Variants in GRSF1 observed in about 807,000 individuals in gnomAD.
GRSF1 encodes G-rich RNA sequence binding factor 1.
GRSF1 carries 50 observed loss-of-function variants against 51.1 expected under a neutral mutation model. The ratio of observed to expected loss-of-function variants is 0.98; its 90% CI spans 0.78 to 1.24. GRSF1 has a LOEUF of 1.24. Among genes scored for constraint, GRSF1 ranks in the 50% most tolerant of loss-of-function variants. The probability of loss-of-function intolerance (pLI) is 0.00; values close to 1 mark genes in which losing one functional copy is unlikely to be tolerated. For missense variants in GRSF1, 700 were observed against 639.7 expected (o/e 1.09, Z -1.02); for synonymous variants, 293 against 253.3 (o/e 1.16, Z -1.49).
chr4:70,827,782 A>G (rs1374707734), intron 6 of GRSF1, 70 bp downstream of exon 6: 20 of 1,199,254 alleles, frequency 1.7e-5, no homozygotes, highest in Admixed American at 2.3e-5. Context: ...CATCTCAAAA[A>G]AAAAAAAATC....
chr4:70,829,994 A>G (rs1179685538), intron 5 of GRSF1, among the ~76,000 whole-genome samples: 7 of 152,258 alleles, frequency 4.6e-5, no homozygotes, highest in Non-Finnish European at 8.8e-5. Flanking sequence ...TTAAAACACA[A>G]ATGAACCCAC....
upstream of GRSF1, among the ~76,000 whole-genome samples, chr4:70,841,292 TAAAAG>T (rs1212263163): frequency 5.3e-5 from 8 of 151,980 alleles, no homozygotes; most frequent in African/African-American, 1.2e-4. Context: ...TCTAAAAAAA[TAAAAG>T]AAAACATATA....
chr4:70,823,765 G>A (rs1733617010), intron 9 of GRSF1, among the ~76,000 whole-genome samples: 1 of 151,962 alleles, frequency 6.6e-6, no homozygotes, highest in Non-Finnish European at 1.5e-5. Flanking sequence ...AGCTACTTGG[G>A]AGGCTGAAGT....
At chr4:70,838,377 G>C (rs1168796749) in intron 1 of GRSF1, among the ~76,000 whole-genome samples, 3 of 152,096 alleles carry the variant, frequency 2.0e-5, no homozygotes, top group Non-Finnish European at 4.4e-5. Flanking sequence ...AGATGGTTTT[G>C]TTGTGGTTTT....
At chr4:70,839,991 A>T, upstream of GRSF1, 1 of 586,430 alleles carries the variant, frequency 1.7e-6, no homozygotes, top group South Asian at 2.4e-5. Flanking sequence ...GGAGAGCGCG[A>T]CGCTCCGCCC....
At chr4:70,830,681 T>C (rs575285371) in intron 5 of GRSF1, among the ~76,000 whole-genome samples, 1 of 152,018 alleles carries the variant, frequency 6.6e-6, no homozygotes, top group South Asian at 2.1e-4. Context: ...TAGCTGGGCA[T>C]GGTGGCGCAT....
intron 1 of GRSF1, chr4:70,839,084 C>T: frequency 1.6e-6 from 2 of 1,260,460 alleles, no homozygotes; most frequent in Non-Finnish European, 2.1e-6. Context: ...AACTCCCAAC[C>T]CTCCGGCGGG....
intron 5 of GRSF1, 121 bp from the exon 6 acceptor site, chr4:70,828,157 A>G (rs998186918): frequency 9.9e-6 from 7 of 708,948 alleles, no homozygotes; most frequent in African/African-American, 1.8e-5. Context: ...GTGTCAAAAG[A>G]TAACAGGTAG....
chr4:70,833,509 A>G (rs989664124), intron 2 of GRSF1, among the ~76,000 whole-genome samples: 1 of 152,238 alleles, frequency 6.6e-6, no homozygotes, highest in African/African-American at 2.4e-5. Context: ...CTTCCTGATC[A>G]TTAAATAGCA....
At chr4:70,821,691 T>TTTA (rs1733515726) in intron 9 of GRSF1, among the ~76,000 whole-genome samples, 1 of 70,332 alleles carries the variant, frequency 1.4e-5, no homozygotes, top group African/African-American at 4.4e-5. Flanking sequence ...TTTTTTTTTT[T>TTTA]GAGACAGAGT....
intron 9 of GRSF1, among the ~76,000 whole-genome samples, chr4:70,821,535 G>A (rs1733502413): frequency 1.3e-5 from 2 of 151,612 alleles, no homozygotes; most frequent in Non-Finnish European, 2.9e-5. Context: ...GAACCCGGGG[G>A]GCGGAGGTTG....
Position 70,839,734 on chromosome 4 carries a change from A to G in GRSF1, c.94T>C (p.Phe32Leu). Reference protein sequence around the residue: ...CRRTGAACLPFYSAAGSIPSG... With the variant: ...CRRTGAACLPLYSAAGSIPSG... ...GGGATAGAGCCAGCGGCGGAGTAGA[A>G]GGGCAGGCAGGCGGCGCCGGTGCGC... The change falls in exon 1 of 10, where the codon TTC (phenylalanine) becomes CTC (leucine). Residue 32 changes from phenylalanine to leucine, a missense_variant. Coordinates refer to ENST00000254799, the MANE Select transcript of GRSF1 (RefSeq NM_002092.4). 6.7e-7 allele frequency: 1 copy of G among 1,501,398 alleles called. No individual in the cohort carries two copies. Among genetic ancestry groups the G allele is most frequent in the East Asian group, 2.8e-5 (1 of 35,746 alleles). The allele number at this position is 1,501,398 out of a possible 1,614,324, so 93.0% of individuals were successfully genotyped here.
rs553332620 is a variant in GRSF1 at position 70,824,605 on chromosome 4, G to A, written c.1394-237C>T. 1.3e-3 allele frequency among the ~76,000 whole-genome samples: 203 copies of A among 152,190 alleles called. 2 individuals carry two copies. Among genetic ancestry groups the A allele is most frequent in the Admixed American group, 0.012 (183 of 15,278 alleles). On this transcript the variant is annotated intron_variant, in intron 8 of 9. Coordinates refer to ENST00000254799, the MANE Select transcript of GRSF1 (RefSeq NM_002092.4). ...TTCAAGCCAGCCTGGCCAATGTAGC[G>A]AAACCCCATCTCTACTAAAAATACA...
chr4:70,841,860 A>G (rs1020939288), upstream of GRSF1, among the ~76,000 whole-genome samples: 12 of 152,206 alleles, frequency 7.9e-5, no homozygotes, highest in Non-Finnish European at 1.5e-4. Context: ...GACGGAGAGT[A>G]TTGTCATTTT....
chr4:70,842,262 G>T (rs949344319), upstream of GRSF1, among the ~76,000 whole-genome samples: 2 of 152,182 alleles, frequency 1.3e-5, no homozygotes, highest in African/African-American at 4.8e-5. Context: ...TGGAAATGTG[G>T]TTCCTGGGAA....
chr4:70,842,096 G>C (rs1287559399), upstream of GRSF1, among the ~76,000 whole-genome samples: 2 of 152,230 alleles, frequency 1.3e-5, no homozygotes, highest in Non-Finnish European at 2.9e-5. Flanking sequence ...CTAGAGGCTA[G>C]GCCCAGGACC....
rs925742155 is a variant in GRSF1, at chr4:70,820,434, T to C, written c.*453A>G. The stretch of plus-strand genomic sequence containing the variant: ...AACCGTTCTTTGCTTTGGTGAATGT[T>C]TGGTTAAAATAAATCACTGTTTCAC... On this transcript the variant is annotated 3_prime_UTR_variant, in exon 10 of 10. Transcript: ENST00000254799. 1.3e-5 allele frequency: 2 copies of C among 152,596 alleles called. No individual in the cohort carries two copies. Among genetic ancestry groups the C allele is most frequent in the African/African-American group, 4.8e-5 (2 of 41,436 alleles). 9.5% of individuals were successfully genotyped at this position (152,596 alleles called of 1,614,324 possible).
At chr4:70,826,355 C>G (rs1250281941) in intron 6 of GRSF1, 110 bp from the exon 7 acceptor site, 6 of 862,682 alleles carry the variant, frequency 7.0e-6, no homozygotes, top group Non-Finnish European at 8.6e-6. Context: ...CTCTTAAGAG[C>G]ATTAAAAGCC....
At position 70,827,967 on chromosome 4, in the gene GRSF1, T is replaced by G; in HGVS notation, c.1020A>C (p.Lys340Asn). 1 of 1,612,610 alleles carries G rather than the reference T, an allele frequency of 6.2e-7. No homozygotes were observed. The highest frequency in any genetic ancestry group is 8.5e-7 in the Non-Finnish European group (1 of 1,178,728). ...RTHVGSYKGK[K>N]IASFPTAKYI... is the part of the protein sequence containing the mutation. Reference sequence around the variant, plus strand: ...ACTTAGCAGTAGGAAAAGATGCGATTTTCTTTCCCTTATAAGAACCGACAT... The same window carrying G: ...ACTTAGCAGTAGGAAAAGATGCGATGTTCTTTCCCTTATAAGAACCGACAT... The change falls in exon 6 of 10, where the codon AAA becomes AAC. Residue 340 changes from lysine (K) to asparagine (N), a missense_variant. Transcript: ENST00000254799.
Sources: allele counts gnomAD v4.1 joint callset (sites outside exome capture counted in the v4.1 genomes callset), GRCh38; gene constraint gnomAD v4.1.1; transcripts MANE v1.5; gene names NCBI Gene and HGNC (gene_info 2026-07-23, HGNC 2026-07-21).